The following ACACA variants were observed in gnomAD, a reference collection of about 807,000 sequenced individuals.
The protein encoded by ACACA is acetyl-CoA carboxylase alpha, also known as acetyl-CoA carboxylase 1.
ACACA carries 103 observed loss-of-function variants against 296.1 expected under a neutral mutation model. The observed-to-expected ratio is 0.35, with a 90% CI of 0.30 to 0.41. The LOEUF is 0.41. ACACA is among the 10% of genes least tolerant of loss of function. The pLI, the probability that ACACA is intolerant of heterozygous loss-of-function variation, is 1.00. For synonymous variants in ACACA, 953 were observed against 1,038.6 expected (o/e 0.92, Z 1.58); for missense variants, 1,554 against 2,989.7 (o/e 0.52, Z 11.20).
chr17:37,148,344 A>G (rs949622622), intron 45 of ACACA, among the ~76,000 whole-genome samples: 1 of 151,982 alleles, frequency 6.6e-6, no homozygotes, highest in Non-Finnish European at 1.5e-5. Context: ...CCAAAAAGGG[A>G]GGAAGACAGC....
In ACACA at chr17:37,371,113, C is replaced by G. The variant is rs564499370; in HGVS notation, c.39-31263G>C. Among the ~76,000 whole-genome samples the G allele has an allele frequency of 3.9e-5, 6 of 152,010 alleles. No homozygotes were observed. In the East Asian group the frequency reaches 9.7e-4, roughly 25 times the overall value. ...TTTGTTTTTGAGATGGAATTTCACT[C>G]TTGTTGCCCAGGCTGGAGTGCAATG... On this transcript the variant is annotated intron_variant, in intron 1 of 55. Transcript: ENST00000616317.
At chr17:37,389,679 T>A (rs1343607001) in intron 1 of ACACA, among the ~76,000 whole-genome samples, 3 of 151,152 alleles carry the variant, frequency 2.0e-5, no homozygotes, top group Admixed American at 2.0e-4. Context: ...AGAGTAAGAC[T>A]CTGTCTCAAA....
intron 11 of ACACA, among the ~76,000 whole-genome samples, chr17:37,263,223 G>A (rs1050797011): frequency 1.3e-5 from 2 of 152,130 alleles, no homozygotes; most frequent in African/African-American, 4.8e-5. Flanking sequence ...CGAAGGCATC[G>A]CTCATGACTT....
intron 3 of ACACA, among the ~76,000 whole-genome samples, chr17:37,285,598 G>A (rs2082729382): frequency 6.6e-6 from 1 of 151,666 alleles, no homozygotes; most frequent in Admixed American, 6.6e-5. Flanking sequence ...AGGATGGCTT[G>A]AGACCAGGAA....
chr17:37,137,314 T>C (rs1162519397), intron 45 of ACACA, among the ~76,000 whole-genome samples: 1 of 152,226 alleles, frequency 6.6e-6, no homozygotes, highest in African/African-American at 2.4e-5. Flanking sequence ...GTATGGTGTT[T>C]GCAGGGCCTC....
intron 1 of ACACA, chr17:37,389,155 G>A: frequency 7.0e-7 from 1 of 1,435,290 alleles, no homozygotes; most frequent in South Asian, 1.4e-5. Flanking sequence ...AGAAGAGATG[G>A]CTTCCTTTAA....
In ACACA at chr17:37,402,638, T is replaced by C. The variant is rs571196811; in HGVS notation, c.38+3624A>G. Reference sequence around the variant, plus strand: ...GGTGCTTAGACTTTCAGTGAAAGCATAGAGTATGTATCTTCTACATTTTGC... The same window carrying C: ...GGTGCTTAGACTTTCAGTGAAAGCACAGAGTATGTATCTTCTACATTTTGC... On this transcript the variant is annotated intron_variant, in intron 1 of 55. Coordinates refer to ENST00000616317, the MANE Select transcript of ACACA (RefSeq NM_198834.3). 2.6e-5 allele frequency among the ~76,000 whole-genome samples: 4 copies of C among 152,264 alleles called. No individual in the cohort carries two copies. In the South Asian group the frequency reaches 8.3e-4, roughly 32 times the overall value.
chr17:37,153,853 A>G (rs1487297605), intron 43 of ACACA, among the ~76,000 whole-genome samples: 3 of 152,158 alleles, frequency 2.0e-5, no homozygotes, highest in African/African-American at 7.2e-5. Flanking sequence ...ACAAAACGTA[A>G]AAACAAAACA....
intron 1 of ACACA, among the ~76,000 whole-genome samples, chr17:37,378,155 T>C (rs1416854964): frequency 2.0e-5 from 3 of 152,190 alleles, no homozygotes; most frequent in Non-Finnish European, 4.4e-5. Context: ...ATGCTTATAT[T>C]ACTCAAATGG....
chr17:37,176,983 T>C (rs2077139057), intron 41 of ACACA, among the ~76,000 whole-genome samples: 1 of 151,978 alleles, frequency 6.6e-6, no homozygotes, highest in South Asian at 2.1e-4. Flanking sequence ...AGTCAATCAT[T>C]TGAAAAGAAA....
intron 2 of ACACA, among the ~76,000 whole-genome samples, chr17:37,334,033 G>A (rs902537513): frequency 6.6e-6 from 1 of 151,838 alleles, no homozygotes; most frequent in Non-Finnish European, 1.5e-5. Context: ...GAGTATCCCA[G>A]GTGTTAGGTA....
chr17:37,100,086 G>A (rs891364172), intron 52 of ACACA, among the ~76,000 whole-genome samples: 10 of 152,112 alleles, frequency 6.6e-5, no homozygotes, highest in African/African-American at 2.4e-4. Flanking sequence ...GAAGGGAAAG[G>A]GAACACTCTC....
intron 19 of ACACA, among the ~76,000 whole-genome samples, chr17:37,245,616 G>C (rs1025089168): frequency 3.3e-5 from 5 of 152,218 alleles, no homozygotes; most frequent in Middle Eastern, 6.8e-3. Context: ...AACCCAGCCA[G>C]ACATATCTTC....
At chr17:37,224,418 A>G (rs552074324) in intron 27 of ACACA, among the ~76,000 whole-genome samples, 2 of 152,324 alleles carry the variant, frequency 1.3e-5, no homozygotes, top group East Asian at 3.9e-4. Context: ...GTAGAAAAAT[A>G]TAAAGTCATT....
intron 1 of ACACA, chr17:37,379,460 G>A: frequency 1.4e-6 from 2 of 1,475,336 alleles, no homozygotes; most frequent in Non-Finnish European, 1.8e-6. Flanking sequence ...CTCCGTAGCA[G>A]GAAAAGCTAC....
intron 39 of ACACA, among the ~76,000 whole-genome samples, chr17:37,181,630 T>C (rs889853303): frequency 2.0e-5 from 3 of 152,012 alleles, no homozygotes; most frequent in African/African-American, 7.2e-5. Flanking sequence ...CCAGGCGCAG[T>C]GGCTCACGCC....
intron 24 of ACACA, among the ~76,000 whole-genome samples, chr17:37,239,250 T>C (rs1467920144): frequency 6.6e-6 from 1 of 152,240 alleles, no homozygotes; most frequent in East Asian, 1.9e-4. Flanking sequence ...TTTTAAATAA[T>C]TTAATAATCA....
intron 17 of ACACA, 139 bp from the exon 18 acceptor site, chr17:37,248,295 G>A (rs2146040947): frequency 4.4e-6 from 5 of 1,125,820 alleles, no homozygotes; most frequent in Non-Finnish European, 6.5e-6. Flanking sequence ...TTGCATCAGT[G>A]TCTGTGGACA....
intron 1 of ACACA, among the ~76,000 whole-genome samples, chr17:37,368,314 T>C (rs1427012230): frequency 6.6e-6 from 1 of 150,694 alleles, no homozygotes; most frequent in South Asian, 2.1e-4. Context: ...GGCACTGTGG[T>C]TCACACCTAT....
Sources: gnomAD v4.1 joint callset for allele counts (sites outside exome capture counted in the v4.1 genomes callset) on GRCh38, gnomAD v4.1.1 for gene constraint, MANE v1.5 for transcripts, NCBI Gene and HGNC (gene_info 2026-07-23, HGNC 2026-07-21) for gene names.